The following PPP2R2D variants were observed in gnomAD, a reference collection of about 807,000 sequenced individuals.
PPP2R2D encodes serine/threonine-protein phosphatase 2A 55 kDa regulatory subunit B delta isoform.
A neutral mutation model predicts 31.1 loss-of-function variants in PPP2R2D; 9 were observed. The observed-to-expected ratio is 0.29, with a 90% CI of 0.17 to 0.51. PPP2R2D has a LOEUF of 0.51. Among genes scored for constraint, PPP2R2D ranks in the 20% least tolerant of loss-of-function variants. The probability of loss-of-function intolerance (pLI) is 0.98; values close to 1 mark genes in which losing one functional copy is unlikely to be tolerated. For synonymous variants in PPP2R2D, 179 were observed against 172.6 expected (o/e 1.04, Z -0.29); for missense variants, 391 against 465.6 (o/e 0.84, Z 1.48).
intron 3 of PPP2R2D, chr10:131,935,028 A>G (rs1212280778): frequency 1.5e-5 from 7 of 452,852 alleles, no homozygotes; most frequent in Non-Finnish European, 3.1e-5. Flanking sequence ...TCACTCCTCC[A>G]TGCCCCCTTG....
At chr10:131,932,646 C>CAAAAAAAAAA (rs368610703) in intron 2 of PPP2R2D, among the ~76,000 whole-genome samples, 623 of 57,756 alleles carry the variant, frequency 0.011, 53 homozygotes, top group African/African-American at 0.027. Context: ...CAGCCTGTCT[C>CAAAAAAAAAA]AAAAAAAAAA....
downstream of PPP2R2D, among the ~76,000 whole-genome samples, chr10:131,961,796 C>A (rs2036923517): frequency 2.0e-5 from 3 of 152,058 alleles, no homozygotes; most frequent in African/African-American, 7.2e-5. Flanking sequence ...TGGTGTCATA[C>A]CCAGGACGGG....
intron 5 of PPP2R2D, 93 bp from the exon 6 acceptor site, chr10:131,943,875 A>G (rs1314905962): frequency 1.5e-6 from 1 of 674,476 alleles, no homozygotes; most frequent in Non-Finnish European, 2.7e-6. Context: ...AGCCATGAAT[A>G]TAAACTTGTC....
intron 2 of PPP2R2D, among the ~76,000 whole-genome samples, chr10:131,915,793 ATGT>A (rs1261010812): frequency 1.3e-5 from 2 of 152,234 alleles, no homozygotes; most frequent in Non-Finnish European, 2.9e-5. Context: ...TAACAGATAG[ATGT>A]TGTTAAAGGC....
intron 2 of PPP2R2D, among the ~76,000 whole-genome samples, chr10:131,928,025 C>G (rs868940780): frequency 1.3e-5 from 2 of 152,188 alleles, no homozygotes; most frequent in East Asian, 1.9e-4. Context: ...TTCAGAGTTG[C>G]TGTACCCATG....
At chr10:131,936,998 C>T (rs1554896602) in intron 3 of PPP2R2D, among the ~76,000 whole-genome samples, 2 of 152,202 alleles carry the variant, frequency 1.3e-5, no homozygotes, top group African/African-American at 2.4e-5. Flanking sequence ...GTGTTGCAGC[C>T]GCCAAGAGGG....
intron 2 of PPP2R2D, among the ~76,000 whole-genome samples, chr10:131,917,708 A>G (rs1488795767): frequency 9.1e-6 from 1 of 109,856 alleles, no homozygotes; most frequent in African/African-American, 3.6e-5. Context: ...GGCGGGTGGA[A>G]TGACACAGTG....
Position 131,945,305 on chromosome 10 carries a change from C to T in PPP2R2D, c.666C>T (p.Asp222=), listed in dbSNP as rs782534685. 5 of 1,613,394 alleles carry T rather than the reference C, an allele frequency of 3.1e-6. No homozygotes were observed. The African/African-American group carries it at 6.7e-5, about 22-fold the overall frequency. ...EITDRSFNIV[D]IKPANMEELT... is the part of the protein sequence containing the mutation. The stretch of plus-strand genomic sequence containing the variant: ...ACCATGCACTCCCAGACATCGTGGA[C>T]ATCAAGCCTGCTAACATGGAGGAGC... Residue 222 remains aspartate, a synonymous_variant, in exon 7 of 9, where the codon GAC becomes GAT. Transcript: ENST00000455566. The surrounding 1 kb of genome is among the most constrained non-coding windows in gnomAD (Gnocchi z 4.8).
chr10:131,907,824 C>G (rs1201276932), intron 2 of PPP2R2D, among the ~76,000 whole-genome samples: 1 of 151,866 alleles, frequency 6.6e-6, no homozygotes, highest in African/African-American at 2.4e-5. Context: ...GCCTGGTCAT[C>G]GTTACATCGT....
rs781904546 is a variant in PPP2R2D at position 131,947,705 on chromosome 10, C to T, written c.996C>T (p.His332=). The change falls in exon 8 of 9, where the codon CAC becomes CAT. Residue 332 remains histidine (H), a synonymous_variant. Coordinates refer to ENST00000455566, the MANE Select transcript of PPP2R2D (RefSeq NM_018461.5). The surrounding 1 kb of genome is among the most constrained non-coding windows in gnomAD (Gnocchi z 4.3). ...GGCCGGTGGAGACCCACCAGGTCCA[C>T]GAGTACCTGCGCAGCAAGCTCTGCT... is the stretch of plus-strand genomic sequence containing the variant. The part of the protein sequence containing the change: ...ESRPVETHQV[H]EYLRSKLCSL... The T allele has an allele frequency of 4.3e-5, 70 of 1,614,072 alleles. No homozygotes were observed. The highest frequency in any genetic ancestry group is 5.6e-5 in the Non-Finnish European group (66 of 1,180,050).
At chr10:131,911,223 T>C (rs2035677707) in intron 2 of PPP2R2D, among the ~76,000 whole-genome samples, 1 of 152,152 alleles carries the variant, frequency 6.6e-6, no homozygotes, top group Admixed American at 6.5e-5. Flanking sequence ...AGCATCAAGA[T>C]TTAATGGAAT....
In PPP2R2D at chr10:131,953,112, G is replaced by A. The variant is rs187287867; in HGVS notation, c.1083-2572G>A. Among the ~76,000 whole-genome samples, 462 of 140,072 alleles carry A rather than the reference G, an allele frequency of 3.3e-3. 1 individual carries two copies. Among genetic ancestry groups the A allele is most frequent in the Middle Eastern group, 8.3e-3 (2 of 242 alleles). 91.9% of individuals were successfully genotyped at this position (140,072 alleles called of 152,430 possible). A position where few individuals can be genotyped will look rare whatever the true frequency, so the allele number is the denominator to read the frequency against. ...ACTGTCTTAGCAGTGACTTGCGGGG[G>A]TTCCCTGTCTTAGCAGTGACTTGCA... On this transcript the variant is annotated intron_variant, in intron 8 of 8. Transcript: ENST00000455566.
Position 131,956,007 on chromosome 10 carries a change from C to T in PPP2R2D, c.*44C>T, listed in dbSNP as rs782717962. The T allele has an allele frequency of 7.1e-5, 98 of 1,385,478 alleles. No homozygotes were observed. Among genetic ancestry groups the T allele is most frequent in the Non-Finnish European group, 8.4e-5 (89 of 1,059,118 alleles). The allele number at this position is 1,385,478 out of a possible 1,614,324, so 85.8% of individuals were successfully genotyped here. On this transcript the variant is annotated 3_prime_UTR_variant, in exon 9 of 9. Coordinates refer to ENST00000455566, the MANE Select transcript of PPP2R2D (RefSeq NM_018461.5). ...CAAGTCTTGTCTTGCATAGTTAAGC[C>T]GGACATTTTTCTGTCAGAGAAAAGG...
chr10:131,913,129 TCTC>T (rs1319777729), intron 2 of PPP2R2D, among the ~76,000 whole-genome samples: 4,312 of 152,012 alleles, frequency 0.028, 115 homozygotes, highest in East Asian at 0.063. Flanking sequence ...TTCAAACGGT[TCTC>T]CTGCCTCAGC....
At chr10:131,961,906 C>A (rs982984150), downstream of PPP2R2D, among the ~76,000 whole-genome samples, 5 of 152,042 alleles carry the variant, frequency 3.3e-5, no homozygotes, top group Non-Finnish European at 5.9e-5. Flanking sequence ...TAATTTCATG[C>A]GCCTCCGCCT....
the PPP2R2D span, chr10:131,970,454 G>T: frequency 1.2e-6 from 1 of 836,610 alleles, no homozygotes. The surrounding 1 kb of genome is among the most constrained non-coding windows in gnomAD (Gnocchi z 4.1). Context: ...CCTGTGCTGG[G>T]GCCTTTGGGG....
rs2036570974 is a variant in PPP2R2D at position 131,947,873 on chromosome 10, C to T, written c.1082+82C>T. The T allele has an allele frequency of 6.5e-7, 1 of 1,543,258 alleles. No individual in the cohort carries two copies. On this transcript the variant is annotated intron_variant, in intron 8 of 8. Coordinates refer to ENST00000455566, the MANE Select transcript of PPP2R2D (RefSeq NM_018461.5). This position sits in a 1 kb window ranked among gnomAD's most constrained non-coding sequence, Gnocchi z 4.3. ...AAGGTCAGTGAGGGAGGCGAGCTGT[C>T]CTCCAGCGTCAGAGGAGGACGCTCA...
rs910373303 is a variant in PPP2R2D at position 131,947,808 on chromosome 10, G to A, written c.1082+17G>A. On this transcript the variant is annotated intron_variant, in intron 8 of 8. Coordinates refer to ENST00000455566, the MANE Select transcript of PPP2R2D (RefSeq NM_018461.5). This position sits in a 1 kb window ranked among gnomAD's most constrained non-coding sequence, Gnocchi z 4.3. ...TTCGGATAGGTAAGGCCTGCGTGGA[G>A]ATGAGCTGTCGCCCCAAGCTTGCTG... 3.8e-5 allele frequency: 61 copies of A among 1,606,068 alleles called. No homozygotes were observed. Among genetic ancestry groups the A allele is most frequent in the Non-Finnish European group, 4.9e-5 (57 of 1,173,480 alleles).
chr10:131,932,336 G>A (rs1267684679), intron 2 of PPP2R2D, among the ~76,000 whole-genome samples: 1 of 152,146 alleles, frequency 6.6e-6, no homozygotes, highest in Non-Finnish European at 1.5e-5. Flanking sequence ...TACCCCAGCA[G>A]GGAAATGGAG....
Sources: gnomAD v4.1 joint callset for allele counts (sites outside exome capture counted in the v4.1 genomes callset) on GRCh38, gnomAD v4.1.1 for gene constraint, Gnocchi (gnomAD v3.1) non-coding constraint, MANE v1.5 for transcripts, NCBI Gene and HGNC (gene_info 2026-07-23, HGNC 2026-07-21) for gene names.